AGMO: variants seen among roughly 807,000 people sequenced by gnomAD.
AGMO encodes glyceryl-ether monooxygenase.
AGMO carries 75 observed loss-of-function variants against 60.2 expected under a neutral mutation model. The ratio of observed to expected loss-of-function variants is 1.25; its 90% CI spans 1.03 to 1.51. The LOEUF (loss-of-function observed/expected upper bound fraction) is 1.51. AGMO is among the 40% of genes most tolerant of loss of function. The probability of loss-of-function intolerance (pLI) is 0.00; values close to 1 mark genes in which losing one functional copy is unlikely to be tolerated. For synonymous variants in AGMO, 261 were observed against 177.1 expected (o/e 1.47, Z -3.76); for missense variants, 763 against 525.5 (o/e 1.45, Z -4.42).
the AGMO span, among the ~76,000 whole-genome samples, chr7:15,186,291 G>T: frequency 6.6e-6 from 1 of 152,194 alleles, no homozygotes; most frequent in African/African-American, 2.4e-5. Flanking sequence ...CAGATTGCAG[G>T]ATTGTTTTGC....
At chr7:15,360,063 T>C (rs1016368059) in intron 12 of AGMO, among the ~76,000 whole-genome samples, 1 of 152,178 alleles carries the variant, frequency 6.6e-6, no homozygotes, top group African/African-American at 2.4e-5. Context: ...AGGCACAACA[T>C]ACTGCACGCA....
At chr7:15,545,281 T>C (rs1784747761) in intron 2 of AGMO, among the ~76,000 whole-genome samples, 1 of 152,160 alleles carries the variant, frequency 6.6e-6, no homozygotes, top group African/African-American at 2.4e-5. Context: ...TTCTAAATCT[T>C]ATTGAAGTAC....
At chr7:15,229,669 A>G (rs1471432240) in intron 12 of AGMO, among the ~76,000 whole-genome samples, 2 of 147,986 alleles carry the variant, frequency 1.4e-5, no homozygotes, top group Non-Finnish European at 3.0e-5. Context: ...TTATGGGAAA[A>G]TGCGAAGTAT....
At chr7:15,151,868 CT>C in the AGMO span, among the ~76,000 whole-genome samples, 2 of 152,110 alleles carry the variant, frequency 1.3e-5, no homozygotes, top group Non-Finnish European at 1.5e-5. Flanking sequence ...TGTTAGTTTT[CT>C]GTTTCAATGA....
intron 3 of AGMO, among the ~76,000 whole-genome samples, chr7:15,462,013 T>C (rs1782156052): frequency 6.6e-6 from 1 of 152,056 alleles, no homozygotes; most frequent in South Asian, 2.1e-4. Context: ...CCACAAACTT[T>C]AGGTTGAAGG....
intron 5 of AGMO, among the ~76,000 whole-genome samples, chr7:15,403,262 G>C (rs1322523879): frequency 2.0e-5 from 3 of 151,214 alleles, no homozygotes; most frequent in African/African-American, 7.3e-5. Flanking sequence ...TTAGTTTCCT[G>C]TAGTGCAGAT....
chr7:15,339,443 T>G (rs892665624), intron 12 of AGMO, among the ~76,000 whole-genome samples: 7 of 152,244 alleles, frequency 4.6e-5, no homozygotes, highest in African/African-American at 1.7e-4. Flanking sequence ...AGTGTGATTA[T>G]GCATATAATT....
At chr7:15,469,769 A>C (rs1380379167) in intron 3 of AGMO, among the ~76,000 whole-genome samples, 1 of 152,112 alleles carries the variant, frequency 6.6e-6, no homozygotes, top group Non-Finnish European at 1.5e-5. Flanking sequence ...GGAAGGAAGA[A>C]GTTTCCATCT....
chr7:15,254,444 T>G (rs1230869923), intron 12 of AGMO, among the ~76,000 whole-genome samples: 2 of 152,094 alleles, frequency 1.3e-5, no homozygotes, highest in Non-Finnish European at 2.9e-5. Context: ...TGAGGTGAGG[T>G]GATATCTGAT....
intron 12 of AGMO, among the ~76,000 whole-genome samples, chr7:15,254,845 T>G (rs974427890): frequency 6.6e-5 from 10 of 151,514 alleles, no homozygotes; most frequent in African/African-American, 2.4e-4. Context: ...TATAAACAAT[T>G]TATAACAACA....
At chr7:15,146,422 A>C in the AGMO span, among the ~76,000 whole-genome samples, 1 of 152,162 alleles carries the variant, frequency 6.6e-6, no homozygotes, top group African/African-American at 2.4e-5. Flanking sequence ...TTGCATGAAA[A>C]CTAGGCTTAA....
chr7:15,504,682 C>G (rs1466084413), intron 3 of AGMO, among the ~76,000 whole-genome samples: 2 of 150,460 alleles, frequency 1.3e-5, no homozygotes, highest in African/African-American at 4.9e-5. Context: ...AAATAGATAA[C>G]AGTACTTTCT....
rs114619147 is a variant in AGMO at position 15,388,362 on chromosome 7, G to A, written c.823-822C>T. 3.9e-5 allele frequency among the ~76,000 whole-genome samples: 6 copies of A among 152,186 alleles called. 2 individuals are homozygous for A. In the South Asian group the frequency reaches 1.2e-3, roughly 32 times the overall value. On this transcript the variant is annotated intron_variant, in intron 8 of 12. Transcript: ENST00000342526. ...AAAAATTGCAACCTCAGGCATATGG[G>A]TTAATGGAATAGATCTGAGGAATAG...
intron 10 of AGMO, among the ~76,000 whole-genome samples, chr7:15,366,704 C>T (rs1782998282): frequency 6.6e-6 from 1 of 151,980 alleles, no homozygotes; most frequent in African/African-American, 2.4e-5. Flanking sequence ...CATATACACT[C>T]ATATTTGATT....
intron 3 of AGMO, among the ~76,000 whole-genome samples, chr7:15,441,598 C>T (rs1781555935): frequency 6.6e-6 from 1 of 152,156 alleles, no homozygotes; most frequent in African/African-American, 2.4e-5. Flanking sequence ...CATGGGAGAA[C>T]TGTCTTGATG....
intron 12 of AGMO, among the ~76,000 whole-genome samples, chr7:15,202,489 A>AAAAAAAAC (rs1277846759): frequency 4.5e-5 from 6 of 132,050 alleles, no homozygotes; most frequent in African/African-American, 1.2e-4. Context: ...AAAAAAAAAA[A>AAAAAAAAC]CCCTCCCAAA....
intron 12 of AGMO, among the ~76,000 whole-genome samples, chr7:15,262,723 T>G (rs1783310319): frequency 6.7e-6 from 1 of 149,884 alleles, no homozygotes; most frequent in Non-Finnish European, 1.5e-5. Context: ...ATAAGGCCCA[T>G]AAAAATGGGC....
chr7:15,327,934 T>G (rs1215951184), intron 12 of AGMO, among the ~76,000 whole-genome samples: 2 of 150,318 alleles, frequency 1.3e-5, no homozygotes, highest in Non-Finnish European at 3.0e-5. Flanking sequence ...CCGGGCTAAT[T>G]TAAAAAAAAA....
intron 5 of AGMO, among the ~76,000 whole-genome samples, chr7:15,415,255 C>G (rs1328854844): frequency 3.3e-5 from 5 of 152,010 alleles, no homozygotes; most frequent in Non-Finnish European, 7.4e-5. Flanking sequence ...CGCCACCATG[C>G]CCGGCTAATT....
Sources: allele counts gnomAD v4.1 joint callset (sites outside exome capture counted in the v4.1 genomes callset), GRCh38; gene constraint gnomAD v4.1.1; transcripts MANE v1.5; gene names NCBI Gene and HGNC (gene_info 2026-07-23, HGNC 2026-07-21).